Variants in SCMH1 observed in about 807,000 individuals in gnomAD.
The protein encoded by SCMH1 is polycomb protein SCMH1.
SCMH1 carries 37 observed loss-of-function variants against 70.8 expected under a neutral mutation model. The ratio of observed to expected loss-of-function variants is 0.52; its 90% CI spans 0.40 to 0.69. The LOEUF (loss-of-function observed/expected upper bound fraction) is 0.69. Ranked by LOEUF, SCMH1 falls within the 30% of genes least tolerant of loss-of-function variation. The pLI, the probability that SCMH1 is intolerant of heterozygous loss-of-function variation, is 0.00. For synonymous variants in SCMH1, 292 were observed against 307.4 expected (o/e 0.95, Z 0.52); for missense variants, 607 against 827.3 (o/e 0.73, Z 3.27).
intron 8 of SCMH1, among the ~76,000 whole-genome samples, chr1:41,110,168 T>C (rs766661353): frequency 7.2e-5 from 11 of 152,132 alleles, no homozygotes; most frequent in Non-Finnish European, 1.2e-4. Context: ...AAGAAGTGTG[T>C]TTCCCTTTCA....
At position 41,162,124 on chromosome 1, in the gene SCMH1, C is replaced by T. The variant is rs1037326792; in HGVS notation, c.14-692G>A. Among the ~76,000 whole-genome samples the T allele has an allele frequency of 3.3e-5, 5 of 152,044 alleles. No homozygotes were observed. The South Asian group carries it at 6.2e-4, about 19-fold the overall frequency. The stretch of plus-strand genomic sequence containing the variant: ...GGAACAGGCAGGAGCCCTGCCGTGA[C>T]GGGCACAGCTGCAGCCACCCAAATG... On this transcript the variant is annotated intron_variant, in intron 2 of 14. Transcript: ENST00000337495.
chr1:41,236,316 C>T (rs1370154890), intron 1 of SCMH1, among the ~76,000 whole-genome samples: 4 of 152,160 alleles, frequency 2.6e-5, no homozygotes, highest in Non-Finnish European at 5.9e-5. Context: ...GGAGAATGTG[C>T]TGCATCCATT....
intron 1 of SCMH1, among the ~76,000 whole-genome samples, chr1:41,222,309 T>C (rs1019473120): frequency 1.3e-5 from 2 of 152,074 alleles, no homozygotes; most frequent in Non-Finnish European, 2.9e-5. Context: ...GCCATAAAAA[T>C]AGACAATAAA....
chr1:41,137,018 T>G (rs1408251953), intron 6 of SCMH1, among the ~76,000 whole-genome samples: 2 of 152,104 alleles, frequency 1.3e-5, no homozygotes, highest in African/African-American at 4.8e-5. Flanking sequence ...AGCCTCAAAG[T>G]GATCCTCTTG....
At chr1:41,181,035 A>G (rs1325991068) in intron 2 of SCMH1, among the ~76,000 whole-genome samples, 1 of 152,218 alleles carries the variant, frequency 6.6e-6, no homozygotes, top group East Asian at 1.9e-4. Context: ...GCCCTCAGAA[A>G]TAACGCCGCA....
At chr1:41,225,645 A>T (rs950506330) in intron 1 of SCMH1, among the ~76,000 whole-genome samples, 5 of 152,216 alleles carry the variant, frequency 3.3e-5, no homozygotes, top group Admixed American at 6.5e-5. Context: ...AACTTGGAGA[A>T]TGCATCGTAT....
intron 6 of SCMH1, among the ~76,000 whole-genome samples, chr1:41,118,357 G>C (rs1348534422): frequency 6.6e-6 from 1 of 152,130 alleles, no homozygotes; most frequent in Non-Finnish European, 1.5e-5. Context: ...AAAAAGATGT[G>C]ATAGGATTAA....
At chr1:41,063,583 AAAAAAAC>A (rs1653560224) in intron 10 of SCMH1, among the ~76,000 whole-genome samples, 3 of 151,724 alleles carry the variant, frequency 2.0e-5, no homozygotes, top group South Asian at 4.2e-4. Context: ...ACAAACAAAC[AAAAAAAC>A]AAAACAAACA....
intron 7 of SCMH1, among the ~76,000 whole-genome samples, chr1:41,114,948 G>T (rs747240132): frequency 6.6e-6 from 1 of 152,068 alleles, no homozygotes; most frequent in Non-Finnish European, 1.5e-5. Context: ...AAAAAGTGCT[G>T]GGATTACAGG....
rs55940657 is a variant in SCMH1 at position 41,192,495 on chromosome 1, GACACAC to G, written c.-117-6251_-117-6246del. ...TAGTTGTTGAGAGGATTAAATAGGA[GACACAC>G]ACACACACACACACACACACACACC... On this transcript the variant is annotated intron_variant, in intron 1 of 14. Coordinates refer to ENST00000337495, the Ensembl canonical transcript of SCMH1. Among the ~76,000 whole-genome samples, 40 of 148,728 alleles carry G rather than the reference GACACAC, an allele frequency of 2.7e-4. No homozygotes were observed. The South Asian group carries it at 5.4e-3, about 20-fold the overall frequency.
Position 41,181,214 on chromosome 1 carries a change from C to T in SCMH1, c.13+4907G>A, listed in dbSNP as rs532697445. Among the ~76,000 whole-genome samples the T allele has an allele frequency of 4.7e-3, 710 of 152,262 alleles. 2 individuals carry two copies. Among genetic ancestry groups the T allele is most frequent in the Non-Finnish European group, 8.2e-3 (556 of 68,008 alleles). ...AAATTAATTCAAGATGGATTAAAGA[C>T]TTAAATGTTAGACCTAAACCCATAA... On this transcript the variant is annotated intron_variant, in intron 2 of 14. Coordinates refer to ENST00000337495, the Ensembl canonical transcript of SCMH1.
At chr1:41,132,195 C>G (rs1254130970) in intron 6 of SCMH1, among the ~76,000 whole-genome samples, 1 of 152,178 alleles carries the variant, frequency 6.6e-6, no homozygotes, top group African/African-American at 2.4e-5. Flanking sequence ...TTCTCCACAT[C>G]CTCTCCAGCA....
chr1:41,152,992 T>C (rs1438757614), intron 4 of SCMH1, among the ~76,000 whole-genome samples: 1 of 152,204 alleles, frequency 6.6e-6, no homozygotes, highest in Admixed American at 6.5e-5. Context: ...TTTTCTGAAG[T>C]CAAGGTTTAA....
chr1:41,170,910 AAAC>A (rs766987981), intron 2 of SCMH1, among the ~76,000 whole-genome samples: 2 of 152,214 alleles, frequency 1.3e-5, no homozygotes, highest in Non-Finnish European at 2.9e-5. Context: ...ACATTCACAT[AAAC>A]AACTACCTAT....
chr1:41,160,213 C>T (rs1645901113), intron 4 of SCMH1, among the ~76,000 whole-genome samples: 1 of 151,982 alleles, frequency 6.6e-6, no homozygotes, highest in South Asian at 2.1e-4. Flanking sequence ...AATACTTGAA[C>T]AAAAATTGAT....
At chr1:41,107,307 A>G (rs977696378) in intron 8 of SCMH1, among the ~76,000 whole-genome samples, 5 of 151,844 alleles carry the variant, frequency 3.3e-5, no homozygotes, top group Middle Eastern at 3.2e-3. Flanking sequence ...TTATTGGTCT[A>G]TATGTTCACA....
chr1:41,084,708 C>G (rs1307960579), intron 8 of SCMH1, among the ~76,000 whole-genome samples: 1 of 152,014 alleles, frequency 6.6e-6, no homozygotes, highest in Non-Finnish European at 1.5e-5. Context: ...TTCATAATAG[C>G]AAAGACTTGG....
rs368229586 is a variant in SCMH1, at chr1:41,037,386, C to T, written c.1654G>A (p.Ala552Thr). 2.5e-6 allele frequency: 4 copies of T among 1,614,168 alleles called. No homozygotes were observed. The highest frequency in any genetic ancestry group is 2.5e-6 in the Non-Finnish European group (3 of 1,180,012). Residue 552 changes from alanine to threonine, a missense_variant, in exon 13 of 15, where the codon GCT becomes ACT. This residue lies in a region of SCMH1 where 430 missense variants were observed against 528.2 expected (regional missense o/e 0.81). Transcript: ENST00000337495. ...CCCCTGGAGCATAGCCTGCGCACAG[C>T]TGAGGCAGTGCTTGGTGGGAGGCCA...
At chr1:41,071,376 C>T (rs568329722) in intron 9 of SCMH1, among the ~76,000 whole-genome samples, 70 of 152,060 alleles carry the variant, frequency 4.6e-4, no homozygotes, top group Admixed American at 4.6e-4. Flanking sequence ...TTTTATGTTA[C>T]CTCTGTTTTT....
Sources: gnomAD v4.1 joint callset for allele counts (sites outside exome capture counted in the v4.1 genomes callset) on GRCh38, gnomAD v4.1.1 for gene constraint, gnomAD v4.1.1 regional missense constraint, MANE v1.5 for transcripts, NCBI Gene and HGNC (gene_info 2026-07-23, HGNC 2026-07-21) for gene names.